ZNF131: variants seen among roughly 807,000 people sequenced by gnomAD.
ZNF131 encodes zinc finger and BTB domain containing 35.
Under a neutral mutation model 60.0 loss-of-function variants are expected in ZNF131, and 7 were observed. That is an observed-to-expected ratio of 0.12 (90% CI 0.07 to 0.22). The LOEUF is 0.22. Among genes scored for constraint, ZNF131 ranks in the 10% least tolerant of loss-of-function variants. ZNF131 has a pLI of 1.00. For synonymous variants in ZNF131, 257 were observed against 253.2 expected (o/e 1.01, Z -0.14); for missense variants, 493 against 740.9 (o/e 0.67, Z 3.88).
chr5:43,173,397 C>T lies in ZNF131; in HGVS notation c.1134C>T (p.Cys378=). The T allele has an allele frequency of 6.2e-7, 1 of 1,613,240 alleles. No individual in the cohort carries two copies. The highest frequency in any genetic ancestry group is 8.5e-7 in the Non-Finnish European group (1 of 1,179,406). Residue 378 remains cysteine, a synonymous_variant, in exon 6 of 7, where the codon TGC becomes TGT. Transcript: ENST00000682664. ...NSTLKCHLTA[C]QTGVGAKKGR... is the part of the protein sequence containing the mutation. ...CTCTGAAATGTCACCTCACTGCATG[C>T]CAAACTGGAGTAGGGGCAAAAAAAG...
chr5:43,174,592 A>G lies in ZNF131; in HGVS notation c.1331A>G (p.Asn444Ser), dbSNP rs1403985942. Reference protein sequence around the residue: ...ELRRHLSDAHNISERLVTEEV... With the variant: ...ELRRHLSDAHSISERLVTEEV... ...AGGAGGCATCTCAGTGATGCTCACAATATTTCAGAGCGTCTAGTAACGGAA... is the reference window on the plus strand; with the variant it reads ...AGGAGGCATCTCAGTGATGCTCACAGTATTTCAGAGCGTCTAGTAACGGAA... The change falls in exon 7 of 7, where the codon AAT (asparagine) becomes AGT (serine). Residue 444 changes from asparagine to serine, a missense_variant. By Grantham distance (46) the Asn-to-Ser change is conservative. Transcript: ENST00000682664. 4.3e-6 allele frequency: 7 copies of G among 1,613,436 alleles called. No individual in the cohort carries two copies. The highest frequency in any genetic ancestry group is 2.2e-5 in the South Asian group (2 of 90,934).
intron 3 of ZNF131, among the ~76,000 whole-genome samples, chr5:43,132,786 T>TA (rs1238625406): frequency 6.6e-6 from 1 of 152,202 alleles, no homozygotes; most frequent in Non-Finnish European, 1.5e-5. Context: ...GTGCTGGGAT[T>TA]ACAGGCATGA....
intron 3 of ZNF131, among the ~76,000 whole-genome samples, chr5:43,128,157 AGTT>A (rs1423791821): frequency 6.6e-6 from 1 of 152,350 alleles, no homozygotes; most frequent in East Asian, 1.9e-4. Context: ...CTCTTAGAAA[AGTT>A]GTATTCTGCG....
chr5:43,149,225 C>G (rs149270189), intron 4 of ZNF131, among the ~76,000 whole-genome samples: 1,812 of 150,710 alleles, frequency 0.012, 34 homozygotes, highest in African/African-American at 0.039. Flanking sequence ...GAGCCGAGAT[C>G]GTGCCATTGC....
chr5:43,149,573 TGTATG>T (rs1001456848), intron 4 of ZNF131, among the ~76,000 whole-genome samples: 1 of 152,234 alleles, frequency 6.6e-6, no homozygotes, highest in African/African-American at 2.4e-5. Flanking sequence ...ATAGCTGGCT[TGTATG>T]GTAAGTATAT....
intron 5 of ZNF131, among the ~76,000 whole-genome samples, chr5:43,162,569 T>C (rs1306919720): frequency 8.9e-6 from 1 of 112,744 alleles, no homozygotes; most frequent in African/African-American, 3.4e-5. Context: ...TCCAGCCTGG[T>C]CAATAGAGTG....
intron 2 of ZNF131, among the ~76,000 whole-genome samples, chr5:43,122,614 C>T (rs77093598): frequency 2.0e-5 from 3 of 152,072 alleles, no homozygotes; most frequent in South Asian, 2.1e-4. Flanking sequence ...ACTCATACCC[C>T]CTTTGAGAAT....
intron 3 of ZNF131, among the ~76,000 whole-genome samples, chr5:43,136,650 C>CTTTTTT (rs139991070): frequency 4.9e-5 from 6 of 122,522 alleles, no homozygotes; most frequent in Non-Finnish European, 8.3e-5. Flanking sequence ...TTTTCTTTTT[C>CTTTTTT]TTTTTTTTTT....
At chr5:43,172,789 A>C (rs147883916) in intron 5 of ZNF131, among the ~76,000 whole-genome samples, 55 of 152,184 alleles carry the variant, frequency 3.6e-4, no homozygotes, top group African/African-American at 1.2e-3. Context: ...GTGCTACTGC[A>C]ATACATATTC....
chr5:43,150,075 T>A (rs1748108167), intron 4 of ZNF131, among the ~76,000 whole-genome samples: 1 of 152,182 alleles, frequency 6.6e-6, no homozygotes, highest in South Asian at 2.1e-4. Flanking sequence ...CCTGTCCCCC[T>A]AGTCCCACAG....
intron 4 of ZNF131, among the ~76,000 whole-genome samples, chr5:43,155,152 C>T (rs764444706): frequency 6.6e-6 from 1 of 152,104 alleles, no homozygotes; most frequent in African/African-American, 2.4e-5. Context: ...TTGCTTTGGG[C>T]AACAGTTAGG....
chr5:43,142,963 C>T (rs374854939), intron 4 of ZNF131, among the ~76,000 whole-genome samples: 3 of 151,582 alleles, frequency 2.0e-5, no homozygotes, highest in African/African-American at 4.8e-5. Flanking sequence ...CTCAAAGTGC[C>T]GGGATTGCAG....
Position 43,121,007 on chromosome 5 carries a change from G to A in ZNF131, c.-132G>A, listed in dbSNP as rs1254120775. Reference sequence around the variant, plus strand: ...CCCGGCTCTCACGAAGAAAATGGAGGGCGACCCACGGGTTAGGGGTCAGGA... The same window carrying A: ...CCCGGCTCTCACGAAGAAAATGGAGAGCGACCCACGGGTTAGGGGTCAGGA... On this transcript the variant is annotated 5_prime_UTR_variant, in exon 1 of 7. Transcript: ENST00000682664. 3.3e-5 allele frequency: 5 copies of A among 152,242 alleles called. No individual in the cohort carries two copies. Among genetic ancestry groups the A allele is most frequent in the East Asian group, 1.9e-4 (1 of 5,182 alleles). 9.4% of individuals were successfully genotyped at this position (152,242 alleles called of 1,614,324 possible). A position where few individuals can be genotyped will look rare whatever the true frequency, so the allele number is the denominator to read the frequency against.
At chr5:43,167,326 G>A (rs1036025385) in intron 5 of ZNF131, among the ~76,000 whole-genome samples, 1 of 152,080 alleles carries the variant, frequency 6.6e-6, no homozygotes, top group Non-Finnish European at 1.5e-5. Context: ...TGCTTTACAC[G>A]GGGTTGTCAC....
At chr5:43,157,547 C>G (rs1262408196) in intron 4 of ZNF131, among the ~76,000 whole-genome samples, 2 of 152,094 alleles carry the variant, frequency 1.3e-5, no homozygotes, top group Non-Finnish European at 2.9e-5. Flanking sequence ...AACCAGGGCA[C>G]CATTTTAGCA....
In ZNF131 at chr5:43,175,822, A is replaced by G; in HGVS notation, c.*689A>G. ...AAGTTTGTGTTGTAAGGAGCAATGT[A>G]GATGATGCTATAATACTTTATATTT... On this transcript the variant is annotated 3_prime_UTR_variant, in exon 7 of 7. Coordinates refer to ENST00000682664, the MANE Select transcript of ZNF131 (RefSeq NM_001330707.2). 5.1e-6 allele frequency: 1 copy of G among 195,498 alleles called. No homozygotes were observed. Among genetic ancestry groups the G allele is most frequent in the Non-Finnish European group, 1.0e-5 (1 of 96,860 alleles). 12.1% of individuals were successfully genotyped at this position (195,498 alleles called of 1,614,324 possible).
At chr5:43,161,208 C>T (rs952205343) in intron 4 of ZNF131, 41 bp from the exon 5 acceptor site, 3 of 1,517,378 alleles carry the variant, frequency 2.0e-6, no homozygotes. Flanking sequence ...CTGGTAGGAT[C>T]TTCTTATAGA....
chr5:43,146,602 A>G (rs900035038), intron 4 of ZNF131, among the ~76,000 whole-genome samples: 3 of 151,680 alleles, frequency 2.0e-5, no homozygotes, highest in African/African-American at 4.8e-5. Context: ...CTCAACAACA[A>G]TAACAACAAA....
chr5:43,136,783 A>G (rs1746174592), intron 3 of ZNF131, among the ~76,000 whole-genome samples: 1 of 151,466 alleles, frequency 6.6e-6, no homozygotes, highest in South Asian at 2.1e-4. Context: ...CACTGCACCC[A>G]GCTGACATGA....
Sources: allele counts gnomAD v4.1 joint callset (sites outside exome capture counted in the v4.1 genomes callset), GRCh38; gene constraint gnomAD v4.1.1; transcripts MANE v1.5; gene names NCBI Gene and HGNC (gene_info 2026-07-23, HGNC 2026-07-21).